Variants in STPG2 observed in about 807,000 individuals in gnomAD.
STPG2 encodes the protein sperm tail PG-rich repeat containing 2, also known as sperm-tail PG-rich repeat-containing protein 2.
A neutral mutation model predicts 54.2 loss-of-function variants in STPG2; 56 were observed. The observed-to-expected ratio is 1.03, with a 90% confidence interval of 0.83 to 1.29. STPG2 has a LOEUF of 1.29. Ranked by LOEUF, STPG2 falls within the 50% of genes most tolerant of loss-of-function variation. The pLI is 0.00. For missense variants in STPG2, 596 were observed against 544.9 expected (o/e 1.09, Z -0.93); for synonymous variants, 200 against 181.8 (o/e 1.10, Z -0.81).
At chr4:97,700,353 C>T (rs1314042234) in intron 10 of STPG2, among the ~76,000 whole-genome samples, 1 of 152,192 alleles carries the variant, frequency 6.6e-6, no homozygotes, top group Non-Finnish European at 1.5e-5. Context: ...ACAAATGGGC[C>T]AGAGCAATAC....
At chr4:97,868,721 G>T (rs147164647) in intron 8 of STPG2, among the ~76,000 whole-genome samples, 2 of 151,494 alleles carry the variant, frequency 1.3e-5, no homozygotes, top group Non-Finnish European at 1.5e-5. Flanking sequence ...TTTTTTTCCT[G>T]CACAGCTGTT....
chr4:97,923,302 A>ACCCCCCC (rs79611394), intron 8 of STPG2, among the ~76,000 whole-genome samples: 1 of 131,850 alleles, frequency 7.6e-6, no homozygotes, highest in African/African-American at 2.8e-5. Context: ...TTCCCCTCCC[A>ACCCCCCC]CCCCCCCCGC....
At chr4:97,731,593 C>G (rs909053166) in intron 9 of STPG2, among the ~76,000 whole-genome samples, 2 of 152,110 alleles carry the variant, frequency 1.3e-5, no homozygotes, top group Non-Finnish European at 2.9e-5. Flanking sequence ...CTAGTTTTGT[C>G]CCAAGCCTTC....
At chr4:97,968,549 C>A (rs1396273169) in intron 7 of STPG2, among the ~76,000 whole-genome samples, 2 of 152,142 alleles carry the variant, frequency 1.3e-5, no homozygotes, top group Non-Finnish European at 2.9e-5. Context: ...AAAATACTGG[C>A]AAACCAAATC....
At chr4:98,016,112 G>T (rs10025651) in intron 5 of STPG2, among the ~76,000 whole-genome samples, 5 of 151,872 alleles carry the variant, frequency 3.3e-5, no homozygotes, top group Admixed American at 2.0e-4. Context: ...ATGTAGATGA[G>T]GGGTTGATGG....
chr4:97,944,215 T>C (rs1220655632), intron 7 of STPG2, among the ~76,000 whole-genome samples: 1 of 152,080 alleles, frequency 6.6e-6, no homozygotes, highest in East Asian at 1.9e-4. Context: ...AAGAATTGAT[T>C]ATATGAACCT....
intron 5 of STPG2, among the ~76,000 whole-genome samples, chr4:98,011,599 T>C (rs1735753142): frequency 6.6e-6 from 1 of 152,226 alleles, no homozygotes; most frequent in African/African-American, 2.4e-5. Context: ...CATTCCTACT[T>C]TTCCACAGCC....
intron 8 of STPG2, among the ~76,000 whole-genome samples, chr4:97,898,489 GTGAA>G (rs1448403582): frequency 6.6e-6 from 1 of 151,596 alleles, no homozygotes; most frequent in Non-Finnish European, 1.5e-5. Flanking sequence ...TAAAATCTGT[GTGAA>G]TGTTCTTTGT....
rs34498683 is a variant in STPG2, at chr4:97,617,129, AGT to A, written c.1321-58014_1321-58013del. On this transcript the variant is annotated intron_variant, in intron 10 of 10. Transcript: ENST00000295268. ...GTGGACACTTAACTATATAATTTAA[AGT>A]GTGTGTGTGTGTGTGTGTATGTAAA... Among the ~76,000 whole-genome samples, 189 of 149,758 alleles carry A rather than the reference AGT, an allele frequency of 1.3e-3. 1 individual carries two copies. Among genetic ancestry groups the A allele is most frequent in the African/African-American group, 4.3e-3 (176 of 40,750 alleles).
chr4:97,779,361 G>C (rs887740314), intron 9 of STPG2, among the ~76,000 whole-genome samples: 9 of 152,156 alleles, frequency 5.9e-5, no homozygotes, highest in African/African-American at 2.2e-4. Flanking sequence ...ATGAAATGAA[G>C]TGAGAAGAGA....
chr4:97,758,576 A>C (rs191693972), intron 9 of STPG2, among the ~76,000 whole-genome samples: 1 of 152,094 alleles, frequency 6.6e-6, no homozygotes, highest in Non-Finnish European at 1.5e-5. Flanking sequence ...GAACAATGAA[A>C]ACCAATGGAC....
intron 10 of STPG2, among the ~76,000 whole-genome samples, chr4:97,589,323 G>C (rs1485739704): frequency 6.6e-6 from 1 of 151,682 alleles, no homozygotes; most frequent in East Asian, 1.9e-4. Context: ...ATATGGGAAA[G>C]CCATTATATA....
Position 97,631,042 on chromosome 4 carries a change from A to T in STPG2, c.1321-71925T>A, listed in dbSNP as rs948803982. The stretch of plus-strand genomic sequence containing the variant: ...TATTTTAAAAACTACTCTGAAAATG[A>T]TAACAAGACACACACACACATTTAT... On this transcript the variant is annotated intron_variant, in intron 10 of 10. Coordinates refer to ENST00000295268, the MANE Select transcript of STPG2 (RefSeq NM_174952.3). Among the ~76,000 whole-genome samples the T allele has an allele frequency of 6.6e-5, 10 of 152,066 alleles. No homozygotes were observed. In the East Asian group the frequency reaches 1.9e-3, roughly 29 times the overall value.
At chr4:98,025,461 G>A (rs899357209) in intron 5 of STPG2, 2 of 500,370 alleles carry the variant, frequency 4.0e-6, no homozygotes, top group Non-Finnish European at 7.6e-6. Context: ...CGAGGAAAGG[G>A]TAAAACTGAA....
chr4:97,611,865 T>C (rs761402538), intron 10 of STPG2, among the ~76,000 whole-genome samples: 6 of 151,644 alleles, frequency 4.0e-5, no homozygotes, highest in Non-Finnish European at 7.4e-5. Flanking sequence ...GAGGAGAAAA[T>C]GTAAATGAAT....
At chr4:97,660,516 C>T (rs1285792525) in intron 10 of STPG2, among the ~76,000 whole-genome samples, 1 of 152,150 alleles carries the variant, frequency 6.6e-6, no homozygotes, top group Non-Finnish European at 1.5e-5. Context: ...TAAACACTTT[C>T]TAGAATGAAT....
intron 10 of STPG2, among the ~76,000 whole-genome samples, chr4:97,706,449 G>A (rs555258856): frequency 1.3e-5 from 2 of 152,272 alleles, no homozygotes; most frequent in African/African-American, 4.8e-5. Context: ...TGAGGACACA[G>A]CAAGAAGACA....
chr4:97,960,807 C>G (rs1292125281), intron 7 of STPG2, among the ~76,000 whole-genome samples: 2 of 151,970 alleles, frequency 1.3e-5, no homozygotes, highest in Non-Finnish European at 2.9e-5. Context: ...CAATTCCCAT[C>G]AAAATACCAT....
chr4:97,694,605 G>A (rs540284858), intron 10 of STPG2, among the ~76,000 whole-genome samples: 12 of 151,466 alleles, frequency 7.9e-5, no homozygotes, highest in Middle Eastern at 3.4e-3. Context: ...TCAGGAGATC[G>A]ATATCATCCT....
Sources: gnomAD v4.1 joint callset for allele counts (sites outside exome capture counted in the v4.1 genomes callset) on GRCh38, gnomAD v4.1.1 for gene constraint, MANE v1.5 for transcripts, NCBI Gene and HGNC (gene_info 2026-07-23, HGNC 2026-07-21) for gene names.